GNB5: variants seen among roughly 807,000 people sequenced by gnomAD.
GNB5 encodes the protein G protein subunit beta 5.
In GNB5, 37 loss-of-function variants were observed where a neutral mutation model predicts 55.3. The observed-to-expected ratio is 0.67, with a 90% confidence interval of 0.51 to 0.88. The LOEUF (loss-of-function observed/expected upper bound fraction) is 0.88, where lower values mean the gene tolerates loss of function less well. GNB5 is among the 40% of genes least tolerant of loss of function. The pLI, the probability that GNB5 is intolerant of heterozygous loss-of-function variation, is 0.00. For missense variants in GNB5, 476 were observed against 515.3 expected (o/e 0.92, Z 0.74); for synonymous variants, 219 against 198.5 (o/e 1.10, Z -0.87).
At chr15:52,145,955 T>G (rs991138320) in intron 6 of GNB5, among the ~76,000 whole-genome samples, 2 of 126,846 alleles carry the variant, frequency 1.6e-5, no homozygotes, top group Admixed American at 8.5e-5. Context: ...TAATATGACT[T>G]TTTTTTTTTT....
rs191211553 is a variant in GNB5, at chr15:52,115,565, C to G, written c.*7192G>C. ...TTGTAAATGGTAAATCCTCTGGCAACGGTGACTATGCTCACTTGCCCCATT... is the reference window on the plus strand; with the variant it reads ...TTGTAAATGGTAAATCCTCTGGCAAGGGTGACTATGCTCACTTGCCCCATT... On this transcript the variant is annotated 3_prime_UTR_variant, in exon 13 of 13. Transcript: ENST00000261837. 6.6e-6 allele frequency: 1 copy of G among 152,212 alleles called. No homozygotes were observed. 9.4% of individuals were successfully genotyped at this position (152,212 alleles called of 1,614,324 possible). A position where few individuals can be genotyped will look rare whatever the true frequency, so the allele number is the denominator to read the frequency against.
rs768136919 is a variant in GNB5, at chr15:52,126,025, C to T, written c.932G>A (p.Arg311Gln). Reference sequence around the variant, plus strand: ...ATAGATGGCAACCTCCCTATCTGCCCGCAGGTCATAGAGGCGACACTGGGG... The same window carrying T: ...ATAGATGGCAACCTCCCTATCTGCCTGCAGGTCATAGAGGCGACACTGGGG... Reference protein sequence around the residue: ...DDATCRLYDLRADREVAIYSK... With the variant: ...DDATCRLYDLQADREVAIYSK... Residue 311 changes from arginine to glutamine, a missense_variant, in exon 11 of 13, where the codon CGG becomes CAG. Arg to Gln is a conservative substitution (Grantham distance 43, BLOSUM62 1). Transcript: ENST00000261837. 4 of 1,578,706 alleles carry T rather than the reference C, an allele frequency of 2.5e-6. No individual in the cohort carries two copies. Among genetic ancestry groups the T allele is most frequent in the South Asian group, 1.1e-5 (1 of 88,838 alleles).
intron 3 of GNB5, among the ~76,000 whole-genome samples, chr15:52,175,247 T>TG (rs1399838981): frequency 6.6e-6 from 1 of 152,220 alleles, no homozygotes; most frequent in African/African-American, 2.4e-5. Context: ...CATGTTGCTC[T>TG]GGGGAATAAA....
chr15:52,149,587 T>C lies in GNB5; in HGVS notation c.417+297A>G, dbSNP rs1052247407. ...TATCACTCAGAAGACAAATAGTACA[T>C]GCAGTTGCACATGTGGTTGCAAGTT... is the stretch of plus-strand genomic sequence containing the variant. On this transcript the variant is annotated intron_variant, in intron 5 of 12. Transcript: ENST00000261837. 2.0e-5 allele frequency: 12 copies of C among 592,818 alleles called. 1 individual carries two copies. Among genetic ancestry groups the C allele is most frequent in the African/African-American group, 1.3e-4 (7 of 53,822 alleles). The allele number at this position is 592,818 out of a possible 1,614,324, so 36.7% of individuals were successfully genotyped here.
rs142324281 is a variant in GNB5 at position 52,144,286 on chromosome 15, T to C, written c.495-3014A>G. ...GAAGACATTGTTCACTGTTATCATA[T>C]TCACTACACATTGCAGAAGGGCCTA... On this transcript the variant is annotated intron_variant, in intron 6 of 12. Transcript: ENST00000261837. 5 of 152,384 alleles carry C rather than the reference T, an allele frequency of 3.3e-5. No homozygotes were observed. The East Asian group carries it at 9.6e-4, about 29-fold the overall frequency. The allele number at this position is 152,384 out of a possible 1,614,324, so 9.4% of individuals were successfully genotyped here.
chr15:52,163,673 T>G (rs545855344), intron 3 of GNB5, among the ~76,000 whole-genome samples: 1 of 152,236 alleles, frequency 6.6e-6, no homozygotes, highest in Non-Finnish European at 1.5e-5. Context: ...AGAGTCTGGG[T>G]GGTCTGGATG....
At chr15:52,141,045 T>A in intron 7 of GNB5, 95 bp downstream of exon 7, 1 of 1,007,338 alleles carries the variant, frequency 9.9e-7, no homozygotes, top group African/African-American at 1.6e-5. Context: ...AGCACAGCCA[T>A]CTTGTTCAGA....
chr15:52,160,168 G>A (rs914326633), intron 3 of GNB5, among the ~76,000 whole-genome samples: 13 of 152,180 alleles, frequency 8.5e-5, no homozygotes, highest in African/African-American at 1.4e-4. Context: ...GGCCGGTCTC[G>A]AACTCCTGAC....
At chr15:52,129,947 G>A (rs2033531549) in intron 9 of GNB5, among the ~76,000 whole-genome samples, 1 of 152,180 alleles carries the variant, frequency 6.6e-6, no homozygotes, top group South Asian at 2.1e-4. Flanking sequence ...GTGGCAGAAT[G>A]AAAACTATAT....
intron 2 of GNB5, chr15:52,180,664 T>G (rs2034754483): frequency 6.6e-6 from 1 of 152,104 alleles, no homozygotes; most frequent in Admixed American, 6.5e-5. Flanking sequence ...ACCTCTCACT[T>G]CTGAGGCCAC....
At position 52,147,459 on chromosome 15, in the gene GNB5, C is replaced by A; in HGVS notation, c.494G>T (p.Gly165Val). Residue 165 changes from glycine (G) to valine (V), a missense_variant and splice_region_variant, in exon 6 of 13, where the codon GGT (glycine) becomes GTT (valine). Gly to Val is a moderately radical substitution (Grantham distance 109). Transcript: ENST00000261837. ...YAPSGCAIAC[G>V]GLDNKCSVYP... ...AAAAGCTGCTGTAGCTCCAACTTAC[C>A]CACAAGCAATGGCACATCCCGATGG... is the stretch of plus-strand genomic sequence containing the variant. 1 of 1,574,058 alleles carries A rather than the reference C, an allele frequency of 6.4e-7. No homozygotes were observed. Among genetic ancestry groups the A allele is most frequent in the Non-Finnish European group, 8.7e-7 (1 of 1,143,448 alleles).
intron 11 of GNB5, chr15:52,125,220 T>C (rs2033391358): frequency 6.6e-6 from 1 of 152,570 alleles, no homozygotes; most frequent in Non-Finnish European, 1.5e-5. Context: ...TCTGGAGCTA[T>C]GCTTTTTCAC....
intron 6 of GNB5, among the ~76,000 whole-genome samples, chr15:52,142,643 C>T (rs900710842): frequency 6.6e-6 from 1 of 152,014 alleles, no homozygotes; most frequent in Non-Finnish European, 1.5e-5. Context: ...ATCCTAGCCT[C>T]ACTTTATTCT....
chr15:52,151,442 G>A (rs1273750878), intron 4 of GNB5, among the ~76,000 whole-genome samples: 3 of 152,294 alleles, frequency 2.0e-5, no homozygotes, highest in Non-Finnish European at 2.9e-5. Context: ...AGGGGCCTAC[G>A]TACCCAGAGA....
chr15:52,133,140 T>C (rs545363596), intron 9 of GNB5, among the ~76,000 whole-genome samples: 77 of 152,322 alleles, frequency 5.1e-4, no homozygotes, highest in Admixed American at 9.8e-4. Flanking sequence ...ATTGAATGAA[T>C]GGATGAAAAA....
rs116154319 is a variant in GNB5 at position 52,123,114 on chromosome 15, A to G, written c.1177-346T>C. Among the ~76,000 whole-genome samples the G allele has an allele frequency of 8.8e-3, 1,343 of 152,250 alleles. 21 individuals are homozygous for G. The highest frequency in any genetic ancestry group is 0.031 in the African/African-American group (1,298 of 41,528). ...TGAACCCATACAGCTCACCATATAC[A>G]TTAACATGACTACTCACTTAGGACA... is the stretch of plus-strand genomic sequence containing the variant. On this transcript the variant is annotated intron_variant, in intron 12 of 12. Coordinates refer to ENST00000261837, the MANE Select transcript of GNB5 (RefSeq NM_016194.4).
In GNB5 at chr15:52,149,932, G is replaced by A; in HGVS notation, c.376-7C>T. 1.2e-6 allele frequency: 2 copies of A among 1,607,356 alleles called. No individual in the cohort carries two copies. Among genetic ancestry groups the A allele is most frequent in the South Asian group, 1.1e-5 (1 of 90,872 alleles). ...ACACGATCACCTTCCCATCCTGGAGGGAGAAGAGCAAACAGTTTAGGGGTT... is the reference window on the plus strand; with the variant it reads ...ACACGATCACCTTCCCATCCTGGAGAGAGAAGAGCAAACAGTTTAGGGGTT... On this transcript the variant is annotated splice_polypyrimidine_tract_variant and splice_region_variant and intron_variant, in intron 4 of 12. Transcript: ENST00000261837.
intron 2 of GNB5, chr15:52,180,629 C>G (rs2034753963): frequency 6.6e-6 from 1 of 152,172 alleles, no homozygotes; most frequent in Non-Finnish European, 1.5e-5. Context: ...CCTGGGGCTT[C>G]TGAGCCCACG....
intron 11 of GNB5, chr15:52,125,742 T>A: frequency 1.8e-6 from 1 of 548,292 alleles, no homozygotes; most frequent in Admixed American, 3.1e-5. Context: ...CAGCCTTCAT[T>A]TCCCCCTGGA....
Sources: gnomAD v4.1 joint callset for allele counts (sites outside exome capture counted in the v4.1 genomes callset) on GRCh38, gnomAD v4.1.1 for gene constraint, MANE v1.5 for transcripts, NCBI Gene and HGNC (gene_info 2026-07-23, HGNC 2026-07-21) for gene names.